The following AFF3 variants were observed in gnomAD, a reference collection of about 807,000 sequenced individuals.
AFF3 encodes the protein ALF transcription elongation factor 3.
In AFF3, 32 loss-of-function variants were observed where a neutral mutation model predicts 129.7. That is an observed-to-expected ratio of 0.25 (90% confidence interval 0.19 to 0.33). AFF3 has a LOEUF of 0.33. Among genes scored for constraint, AFF3 ranks in the 10% least tolerant of loss-of-function variants. The probability of loss-of-function intolerance (pLI) is 1.00; values close to 1 mark genes in which losing one functional copy is unlikely to be tolerated. For synonymous variants in AFF3, 644 were observed against 635.4 expected (o/e 1.01, Z -0.20); for missense variants, 1,373 against 1,592.0 (o/e 0.86, Z 2.34).
At chr2:100,020,601 T>C (rs1321244247) in intron 4 of AFF3, among the ~76,000 whole-genome samples, 1 of 152,112 alleles carries the variant, frequency 6.6e-6, no homozygotes, top group African/African-American at 2.4e-5. Flanking sequence ...ACCGCAGCAC[T>C]ACCCACCTAG....
At chr2:100,107,452 C>CT (rs1460770474) in intron 2 of AFF3, 1 of 985,036 alleles carries the variant, frequency 1.0e-6, no homozygotes, top group Non-Finnish European at 1.2e-6. Context: ...TAAAAGGGAA[C>CT]TTTTTTATGT....
At chr2:99,626,550 C>T (rs1682605188) in intron 13 of AFF3, among the ~76,000 whole-genome samples, 1 of 137,568 alleles carries the variant, frequency 7.3e-6, no homozygotes, top group Admixed American at 7.4e-5. Context: ...CTTCTCCCTT[C>T]TCCCTCCCCT....
intron 15 of AFF3, among the ~76,000 whole-genome samples, chr2:99,592,934 C>CG (rs1474404231): frequency 2.5e-5 from 2 of 79,054 alleles, no homozygotes; most frequent in African/African-American, 4.7e-5. Context: ...AGACTCCCTC[C>CG]CCCCCCCCCA....
At chr2:99,658,756 G>A (rs1685978949) in intron 12 of AFF3, among the ~76,000 whole-genome samples, 1 of 152,156 alleles carries the variant, frequency 6.6e-6, no homozygotes, top group South Asian at 2.1e-4. Context: ...GCCCCATTCT[G>A]TCTTGGCCTC....
At chr2:99,794,991 A>G (rs1261677702) in intron 8 of AFF3, among the ~76,000 whole-genome samples, 2 of 152,206 alleles carry the variant, frequency 1.3e-5, no homozygotes, top group African/African-American at 4.8e-5. Flanking sequence ...ACCTGATGAT[A>G]TCACTCTCCA....
intron 11 of AFF3, among the ~76,000 whole-genome samples, chr2:99,688,004 G>A (rs532553195): frequency 3.3e-5 from 5 of 152,136 alleles, no homozygotes; most frequent in African/African-American, 9.6e-5. Context: ...CACCACGCCC[G>A]GCTAATTTTT....
chr2:99,981,976 A>G (rs1200356650), intron 7 of AFF3, among the ~76,000 whole-genome samples: 2 of 152,224 alleles, frequency 1.3e-5, no homozygotes, highest in Non-Finnish European at 2.9e-5. Context: ...AAAAGAAGCC[A>G]GTACCTTCTG....
At position 99,548,615 on chromosome 2, in the gene AFF3, T is replaced by G. The variant is rs924565851; in HGVS notation, c.*2859A>C. On this transcript the variant is annotated 3_prime_UTR_variant, in exon 25 of 25. Transcript: ENST00000672756. ...AAAATTAGCCGGGTGTGGTGGCACG[T>G]GCCTATCTTCCCAGCTGCTTGGGAG... is the stretch of plus-strand genomic sequence containing the variant. 9.8e-6 allele frequency: 2 copies of G among 204,620 alleles called. No homozygotes were observed. The highest frequency in any genetic ancestry group is 2.0e-5 in the Non-Finnish European group (2 of 100,230). The allele number at this position is 204,620 out of a possible 1,614,324, so 12.7% of individuals were successfully genotyped here.
At chr2:99,673,759 C>T (rs1687375206) in intron 11 of AFF3, among the ~76,000 whole-genome samples, 1 of 152,176 alleles carries the variant, frequency 6.6e-6, no homozygotes, top group African/African-American at 2.4e-5. Context: ...TGATACATGC[C>T]TCTGAACATT....
chr2:99,551,468 A>C lies in AFF3; in HGVS notation c.*6T>G, dbSNP rs758528824. 4 of 1,614,040 alleles carry C rather than the reference A, an allele frequency of 2.5e-6. No homozygotes were observed. In the South Asian group the frequency reaches 4.4e-5, roughly 18 times the overall value. ...CAGAGCCCACTCTGGCCCCAGGGTG[A>C]GGTCCCTATGACAGGTGGGCGCTGT... is the stretch of plus-strand genomic sequence containing the variant. On this transcript the variant is annotated 3_prime_UTR_variant, in exon 25 of 25. Coordinates refer to ENST00000672756, the MANE Select transcript of AFF3 (RefSeq NM_001386135.1).
chr2:99,890,221 A>C (rs1456313346), intron 7 of AFF3, among the ~76,000 whole-genome samples: 1 of 152,178 alleles, frequency 6.6e-6, no homozygotes, highest in Admixed American at 6.5e-5. Context: ...ACAGGTGGCC[A>C]CTTCCACCCA....
At position 99,673,633 on chromosome 2, in the gene AFF3, A is replaced by C. The variant is rs530239888; in HGVS notation, c.1092-1044T>G. Among the ~76,000 whole-genome samples the C allele has an allele frequency of 1.1e-3, 171 of 152,342 alleles. 1 individual carries two copies. Among genetic ancestry groups the C allele is most frequent in the African/African-American group, 4.1e-3 (170 of 41,594 alleles). On this transcript the variant is annotated intron_variant, in intron 11 of 24. Coordinates refer to ENST00000672756, the MANE Select transcript of AFF3 (RefSeq NM_001386135.1). Reference sequence around the variant, plus strand: ...TCTGAGGGACCCTGGGGCTCCATACATCAGTGTGAAGCCCGCTGAGCCCTT... The same window carrying C: ...TCTGAGGGACCCTGGGGCTCCATACCTCAGTGTGAAGCCCGCTGAGCCCTT...
intron 8 of AFF3, among the ~76,000 whole-genome samples, chr2:99,790,981 A>T (rs1248990716): frequency 6.6e-6 from 1 of 152,280 alleles, no homozygotes; most frequent in Admixed American, 6.5e-5. Context: ...GAAAGAACGA[A>T]GCGAGTACAC....
intron 4 of AFF3, among the ~76,000 whole-genome samples, chr2:100,104,143 G>A (rs991029786): frequency 6.6e-6 from 1 of 152,084 alleles, no homozygotes; most frequent in Non-Finnish European, 1.5e-5. Context: ...TCTGCCCCTG[G>A]CTACCTAGAT....
intron 4 of AFF3, among the ~76,000 whole-genome samples, chr2:100,041,522 C>G (rs992645629): frequency 1.3e-5 from 2 of 152,008 alleles, no homozygotes; most frequent in Non-Finnish European, 1.5e-5. Context: ...AAAGCCCCCA[C>G]GTGCCCCCAA....
In AFF3 at chr2:100,104,486, A is replaced by ACCGCCG. The variant is rs773960386; in HGVS notation, c.-38_-33dup. 7.7e-7 allele frequency: 1 copy of ACCGCCG among 1,300,424 alleles called. No individual in the cohort carries two copies. Among genetic ancestry groups the ACCGCCG allele is most frequent in the Non-Finnish European group, 1.0e-6 (1 of 999,876 alleles). The allele number at this position is 1,300,424 out of a possible 1,614,324, so 80.6% of individuals were successfully genotyped here. A position where few individuals can be genotyped will look rare whatever the true frequency, so the allele number is the denominator to read the frequency against. On this transcript the variant is annotated 5_prime_UTR_variant, in exon 4 of 25. Coordinates refer to ENST00000672756, the MANE Select transcript of AFF3 (RefSeq NM_001386135.1). Reference sequence around the variant, plus strand: ...AGGTGTCAGCGTCGCCGCCGCCGCTACCGCCGCCGCCGAGGCTCGGGCCGC... The same window carrying ACCGCCG: ...AGGTGTCAGCGTCGCCGCCGCCGCTACCGCCGCCGCCGCCGCCGAGGCTCGGGCCGC...
chr2:100,031,273 T>C (rs1368478181), intron 4 of AFF3, among the ~76,000 whole-genome samples: 1 of 152,208 alleles, frequency 6.6e-6, no homozygotes, highest in Non-Finnish European at 1.5e-5. Flanking sequence ...TGGTGAATAA[T>C]GGAACCAAGA....
intron 11 of AFF3, among the ~76,000 whole-genome samples, chr2:99,705,890 A>AC (rs1306825690): frequency 6.6e-6 from 1 of 151,200 alleles, no homozygotes; most frequent in Non-Finnish European, 1.5e-5. Context: ...AAAAAAAAAA[A>AC]AAAAAAAAAA....
intron 16 of AFF3, among the ~76,000 whole-genome samples, chr2:99,585,356 C>A (rs780633780): frequency 6.6e-6 from 1 of 152,094 alleles, no homozygotes; most frequent in Non-Finnish European, 1.5e-5. Context: ...ATTGGCAATC[C>A]CCTTCTCTTG....
Sources: gnomAD v4.1 joint callset for allele counts (sites outside exome capture counted in the v4.1 genomes callset) on GRCh38, gnomAD v4.1.1 for gene constraint, MANE v1.5 for transcripts, NCBI Gene and HGNC (gene_info 2026-07-23, HGNC 2026-07-21) for gene names.